Variants in CELF4 observed in about 807,000 individuals in gnomAD.
CELF4 encodes CUG-BP- and ETR-3-like factor 4.
Under a neutral mutation model 59.9 loss-of-function variants are expected in CELF4, and 18 were observed. The ratio of observed to expected loss-of-function variants is 0.30; its 90% CI spans 0.21 to 0.45. The LOEUF is 0.45. Ranked by LOEUF, CELF4 falls within the 20% of genes least tolerant of loss-of-function variation. CELF4 has a pLI of 1.00. For missense variants in CELF4, 456 were observed against 689.0 expected (o/e 0.66, Z 3.79); for synonymous variants, 261 against 267.1 (o/e 0.98, Z 0.22).
At chr18:37,304,891 G>C (rs987209396) in intron 3 of CELF4, among the ~76,000 whole-genome samples, 2 of 152,214 alleles carry the variant, frequency 1.3e-5, no homozygotes, top group African/African-American at 2.4e-5. Flanking sequence ...AGGGGGAGCA[G>C]GTGGGGGCTG....
chr18:37,292,035 TAAA>T (rs10565799), intron 3 of CELF4, among the ~76,000 whole-genome samples: 79,228 of 148,406 alleles, frequency 0.53, 21,888 homozygotes, highest in African/African-American at 0.7. Flanking sequence ...AGCACCCTTA[TAAA>T]AAAAAAAAAG....
chr18:37,442,855 C>G (rs987971456), intron 2 of CELF4, among the ~76,000 whole-genome samples: 3 of 152,174 alleles, frequency 2.0e-5, no homozygotes, highest in African/African-American at 4.8e-5. Flanking sequence ...ATAATCTCCC[C>G]CTCTCCGTCC....
chr18:37,533,777 G>A (rs563418254), intron 1 of CELF4, among the ~76,000 whole-genome samples: 73 of 152,338 alleles, frequency 4.8e-4, no homozygotes, highest in African/African-American at 1.6e-3. Context: ...GAGAAAGTGG[G>A]GAGCTGCAGA....
chr18:37,509,052 G>A (rs1376632084), intron 1 of CELF4, among the ~76,000 whole-genome samples: 1 of 152,158 alleles, frequency 6.6e-6, no homozygotes, highest in East Asian at 1.9e-4. Context: ...GATGTCATCA[G>A]TCTCCCTCCC....
intron 1 of CELF4, among the ~76,000 whole-genome samples, chr18:37,542,016 T>C (rs930896271): frequency 6.6e-6 from 1 of 152,180 alleles, no homozygotes; most frequent in Non-Finnish European, 1.5e-5. Context: ...GTCATCGTTG[T>C]GACTCCAGCA....
chr18:37,370,693 C>T (rs1442564362), intron 2 of CELF4, among the ~76,000 whole-genome samples: 2 of 152,188 alleles, frequency 1.3e-5, no homozygotes, highest in Non-Finnish European at 2.9e-5. Flanking sequence ...GCCCCAGAAA[C>T]AAGCCTTTTC....
At chr18:37,409,025 A>G (rs547316619) in intron 2 of CELF4, among the ~76,000 whole-genome samples, 45 of 152,156 alleles carry the variant, frequency 3.0e-4, no homozygotes, top group African/African-American at 1.1e-3. Flanking sequence ...AATGACTCCA[A>G]ATGAAGGCTC....
intron 9 of CELF4, among the ~76,000 whole-genome samples, chr18:37,265,220 C>G (rs1176970992): frequency 6.6e-6 from 1 of 151,518 alleles, no homozygotes; most frequent in Non-Finnish European, 1.5e-5. Flanking sequence ...CGTGTGTGTA[C>G]GTGTGTGCGC....
intron 2 of CELF4, among the ~76,000 whole-genome samples, chr18:37,437,339 C>T (rs1291688174): frequency 2.6e-5 from 4 of 152,234 alleles, no homozygotes; most frequent in African/African-American, 7.2e-5. Flanking sequence ...CACACTGGTG[C>T]CAAGGTCCTA....
rs140532712 is a variant in CELF4, at chr18:37,461,164, C to T, written c.369+24361G>A. ...AACTAGTTCACCACAGGTGTGGAGGCTGATTCCCCATTGAGTCCTATGGGA... is the reference window on the plus strand; with the variant it reads ...AACTAGTTCACCACAGGTGTGGAGGTTGATTCCCCATTGAGTCCTATGGGA... On this transcript the variant is annotated intron_variant, in intron 2 of 12. Transcript: ENST00000420428. Among the ~76,000 whole-genome samples, 61 of 152,326 alleles carry T rather than the reference C, an allele frequency of 4.0e-4. 2 individuals carry two copies. The East Asian group carries it at 9.5e-3, about 24-fold the overall frequency.
chr18:37,565,294 C>CCGGT, intron 1 of CELF4, 62 bp downstream of exon 1: 2 of 1,458,720 alleles, frequency 1.4e-6, no homozygotes. Context: ...CGCCGGCCGG[C>CCGGT]CGGTCGGCCC....
chr18:37,485,470 G>A (rs1402774764), intron 2 of CELF4, 55 bp downstream of exon 2: 7 of 1,152,672 alleles, frequency 6.1e-6, no homozygotes, highest in Non-Finnish European at 7.6e-6. Flanking sequence ...CCGGCCTCCC[G>A]AAGTCGCCCC....
intron 2 of CELF4, among the ~76,000 whole-genome samples, chr18:37,399,323 T>C (rs1272179454): frequency 1.3e-5 from 2 of 152,126 alleles, no homozygotes. Flanking sequence ...AGAATGAGTT[T>C]GCCCCCCTTT....
chr18:37,357,486 A>G (rs1394002108), intron 2 of CELF4, among the ~76,000 whole-genome samples: 1 of 152,208 alleles, frequency 6.6e-6, no homozygotes, highest in Non-Finnish European at 1.5e-5. Flanking sequence ...AGTTTGCTGT[A>G]GGGATGGGGT....
chr18:37,547,608 A>AG (rs1365630349), intron 1 of CELF4, among the ~76,000 whole-genome samples: 4 of 152,200 alleles, frequency 2.6e-5, no homozygotes, highest in Non-Finnish European at 5.9e-5. Context: ...GGGAGATTGC[A>AG]GGGGGAGTGC....
At position 37,565,523 on chromosome 18, in the gene CELF4, G is replaced by A. The variant is rs545326905; in HGVS notation, c.119C>T (p.Pro40Leu). The change falls in exon 1 of 13, where the codon CCG becomes CTG. Residue 40 changes from proline to leucine, a missense_variant. Coordinates refer to ENST00000420428, the MANE Select transcript of CELF4 (RefSeq NM_020180.4). ...CATGGGAATGGTCGACGGGTTCCCC[G>A]GGCTGTGGCTTAATCCGTTCATGTG... ...AGHMNGLSHSPGNPSTIPMKD... is the reference protein window; with the variant it reads ...AGHMNGLSHSLGNPSTIPMKD... 3.1e-6 allele frequency: 5 copies of A among 1,614,178 alleles called. No individual in the cohort carries two copies. In the East Asian group the frequency reaches 1.1e-4, roughly 36 times the overall value.
At chr18:37,445,839 G>A (rs903910328) in intron 2 of CELF4, among the ~76,000 whole-genome samples, 32 of 152,276 alleles carry the variant, frequency 2.1e-4, no homozygotes, top group South Asian at 6.2e-4. Context: ...GCCTCATGTC[G>A]CCTGTGTGCC....
chr18:37,503,841 G>A (rs1049193048), intron 1 of CELF4, among the ~76,000 whole-genome samples: 2 of 152,172 alleles, frequency 1.3e-5, no homozygotes, highest in African/African-American at 2.4e-5. Flanking sequence ...CAAGGTCCCT[G>A]TTCCATTTAC....
chr18:37,522,221 G>A (rs1178376360), intron 1 of CELF4, among the ~76,000 whole-genome samples: 1 of 152,134 alleles, frequency 6.6e-6, no homozygotes, highest in Non-Finnish European at 1.5e-5. Context: ...CCTGACTGGT[G>A]CAACACGCAA....
Sources: allele counts gnomAD v4.1 joint callset (sites outside exome capture counted in the v4.1 genomes callset), GRCh38; gene constraint gnomAD v4.1.1; transcripts MANE v1.5; gene names NCBI Gene and HGNC (gene_info 2026-07-23, HGNC 2026-07-21).